Variants in RBFOX1 observed in about 807,000 individuals in gnomAD.
The protein encoded by RBFOX1 is RNA binding fox-1 homolog 1.
RBFOX1 carries 8 observed loss-of-function variants against 57.7 expected under a neutral mutation model. The observed-to-expected ratio is 0.14, with a 90% CI of 0.08 to 0.25. The LOEUF is 0.25. Ranked by LOEUF, RBFOX1 falls within the 10% of genes least tolerant of loss-of-function variation. The pLI is 1.00. For synonymous variants in RBFOX1, 326 were observed against 222.4 expected (o/e 1.47, Z -4.15); for missense variants, 611 against 548.5 (o/e 1.11, Z -1.14).
chr16:6,802,592 G>C (rs542795709), intron 3 of RBFOX1, among the ~76,000 whole-genome samples: 1 of 152,164 alleles, frequency 6.6e-6, no homozygotes, highest in Middle Eastern at 3.2e-3. Context: ...CAGGAGAATC[G>C]CTTGAACCTG....
At chr16:6,110,035 A>G (rs2096426585) in intron 1 of RBFOX1, among the ~76,000 whole-genome samples, 1 of 152,162 alleles carries the variant, frequency 6.6e-6, no homozygotes, top group South Asian at 2.1e-4. Flanking sequence ...CCACACATGG[A>G]ATAAATAACC....
chr16:6,837,713 C>T (rs1463724361), intron 3 of RBFOX1, among the ~76,000 whole-genome samples: 1 of 152,104 alleles, frequency 6.6e-6, no homozygotes, highest in Non-Finnish European at 1.5e-5. Flanking sequence ...GGGCATTGTG[C>T]AAGTTCAGAT....
At chr16:6,507,821 G>C (rs1487924551) in intron 2 of RBFOX1, among the ~76,000 whole-genome samples, 2 of 152,114 alleles carry the variant, frequency 1.3e-5, no homozygotes, top group African/African-American at 2.4e-5. Flanking sequence ...GCTAGAAGGA[G>C]GGGGGAATGG....
chr16:6,135,550 T>C (rs150711203), intron 1 of RBFOX1, among the ~76,000 whole-genome samples: 249 of 152,166 alleles, frequency 1.6e-3, no homozygotes, highest in African/African-American at 5.7e-3. Flanking sequence ...GGGGTATTCA[T>C]TGGATATTTG....
At chr16:7,218,637 TGTGTG>T (rs1567756941) in intron 4 of RBFOX1, among the ~76,000 whole-genome samples, 12 of 110,458 alleles carry the variant, frequency 1.1e-4, no homozygotes, top group African/African-American at 5.7e-4. Context: ...GCTGTGTGTG[TGTGTG>T]TGTGTGTGTG....
intron 2 of RBFOX1, among the ~76,000 whole-genome samples, chr16:6,587,845 C>G (rs779821586): frequency 3.4e-4 from 52 of 152,170 alleles, no homozygotes; most frequent in Admixed American, 2.0e-4. Context: ...TCTTTCTACC[C>G]TCCGTCTTCC....
At chr16:6,349,992 G>T (rs1369635646) in intron 2 of RBFOX1, among the ~76,000 whole-genome samples, 2 of 152,102 alleles carry the variant, frequency 1.3e-5, no homozygotes, top group Non-Finnish European at 2.9e-5. Context: ...GGCAAAACAT[G>T]TAGAAAAGAG....
chr16:6,483,757 C>T (rs892839614), intron 2 of RBFOX1: 4 of 1,419,366 alleles, frequency 2.8e-6, no homozygotes, highest in South Asian at 3.1e-5. Flanking sequence ...GAGGAGCAGC[C>T]GTCAGCCGCT....
At chr16:6,609,089 A>AT (rs1428641994) in intron 2 of RBFOX1, among the ~76,000 whole-genome samples, 3 of 152,144 alleles carry the variant, frequency 2.0e-5, no homozygotes, top group Non-Finnish European at 2.9e-5. Flanking sequence ...ATGATCCTGA[A>AT]TAATTTCCCT....
chr16:5,638,962 C>G (rs2151323761), intron 3 of RBFOX1, among the ~76,000 whole-genome samples: 2 of 152,270 alleles, frequency 1.3e-5, no homozygotes, highest in East Asian at 3.9e-4. Flanking sequence ...AAATGCCATT[C>G]TCTCCTCCTG....
intron 10 of RBFOX1, among the ~76,000 whole-genome samples, chr16:7,611,057 C>G (rs994495479): frequency 6.6e-6 from 1 of 152,148 alleles, no homozygotes; most frequent in Non-Finnish European, 1.5e-5. Flanking sequence ...AGTCATTTCT[C>G]TATATAAGGT....
intron 4 of RBFOX1, among the ~76,000 whole-genome samples, chr16:7,244,945 G>A (rs2094228267): frequency 6.6e-6 from 1 of 152,208 alleles, no homozygotes; most frequent in African/African-American, 2.4e-5. Context: ...GGCACAGTAG[G>A]GAGCAGTGGG....
intron 1 of RBFOX1, among the ~76,000 whole-genome samples, chr16:6,289,152 A>C (rs191942211): frequency 2.0e-5 from 3 of 152,196 alleles, no homozygotes; most frequent in Non-Finnish European, 4.4e-5. Context: ...GATGGGGATG[A>C]TCTTTCCTCC....
intron 4 of RBFOX1, among the ~76,000 whole-genome samples, chr16:7,156,030 C>T (rs973032256): frequency 5.9e-5 from 9 of 151,918 alleles, no homozygotes; most frequent in Admixed American, 2.0e-4. Flanking sequence ...CATACACACA[C>T]GCACACAGGT....
At chr16:6,588,267 C>T in intron 2 of RBFOX1, among the ~76,000 whole-genome samples, 1 of 151,824 alleles carries the variant, frequency 6.6e-6, no homozygotes, top group Admixed American at 6.6e-5. Context: ...GCTATACAGC[C>T]ACAAAACAAT....
chr16:5,322,785 G>A (rs2064448990), intron 1 of RBFOX1, among the ~76,000 whole-genome samples: 1 of 152,164 alleles, frequency 6.6e-6, no homozygotes, highest in Non-Finnish European at 1.5e-5. Context: ...AGGTTTCAGT[G>A]TACCTACCTT....
At chr16:5,860,422 C>T (rs1266421666) in intron 3 of RBFOX1, among the ~76,000 whole-genome samples, 1 of 152,062 alleles carries the variant, frequency 6.6e-6, no homozygotes, top group South Asian at 2.1e-4. Flanking sequence ...TCTGTTTGTG[C>T]CTGTGAAAAC....
intron 3 of RBFOX1, among the ~76,000 whole-genome samples, chr16:6,663,440 C>A (rs2098713528): frequency 6.6e-6 from 1 of 152,112 alleles, no homozygotes; most frequent in South Asian, 2.1e-4. Flanking sequence ...AGTCTCTTGC[C>A]CCTGGGAGTA....
At chr16:6,813,134 G>T (rs1186724590) in intron 3 of RBFOX1, among the ~76,000 whole-genome samples, 1 of 150,446 alleles carries the variant, frequency 6.6e-6, no homozygotes, top group African/African-American at 2.4e-5. Flanking sequence ...TAAGTTTTCA[G>T]GCCTCACCTT....
Sources: allele counts gnomAD v4.1 joint callset (sites outside exome capture counted in the v4.1 genomes callset), GRCh38; gene constraint gnomAD v4.1.1; transcripts MANE v1.5; gene names NCBI Gene and HGNC (gene_info 2026-07-23, HGNC 2026-07-21).